Variants in TNFAIP1 observed in about 807,000 individuals in gnomAD.
TNFAIP1 encodes the protein BTB/POZ domain-containing adapter for CUL3-mediated RhoA degradation protein 2.
A neutral mutation model predicts 32.6 loss-of-function variants in TNFAIP1; 20 were observed. That is an observed-to-expected ratio of 0.61 (90% CI 0.43 to 0.89). The LOEUF (loss-of-function observed/expected upper bound fraction) is 0.89, where lower values mean the gene tolerates loss of function less well. Ranked by LOEUF, TNFAIP1 falls within the 40% of genes least tolerant of loss-of-function variation. The probability of loss-of-function intolerance (pLI) is 0.00; values close to 1 mark genes in which losing one functional copy is unlikely to be tolerated. For synonymous variants in TNFAIP1, 166 were observed against 166.8 expected, an observed-to-expected ratio of 1.00 and a Z score of 0.04; for missense variants, 319 against 425.1, an observed-to-expected ratio of 0.75 and a Z score of 2.20.
chr17:28,338,840 C>T (rs1384628838), intron 1 of TNFAIP1, among the ~76,000 whole-genome samples: 15 of 151,988 alleles, frequency 9.9e-5, no homozygotes, highest in African/African-American at 3.4e-4. Flanking sequence ...TTGTCTTCCT[C>T]GCTGCCCTGA....
In TNFAIP1 at chr17:28,345,724, G is replaced by A. The variant is rs549185809; in HGVS notation, c.*1124G>A. ...CCTGCCCACACCATCTATGCTCTTG[G>A]TTGGTGCTGGCTGGGATGGCGGTTC... On this transcript the variant is annotated 3_prime_UTR_variant, in exon 7 of 7. Transcript: ENST00000226225. 3 of 152,422 alleles carry A rather than the reference G, an allele frequency of 2.0e-5. No individual in the cohort carries two copies. The South Asian group carries it at 6.2e-4, about 32-fold the overall frequency. The allele number at this position is 152,422 out of a possible 1,614,324, so 9.4% of individuals were successfully genotyped here. A position where few individuals can be genotyped will look rare whatever the true frequency, so the allele number is the denominator to read the frequency against.
intron 1 of TNFAIP1, among the ~76,000 whole-genome samples, chr17:28,338,186 G>C (rs1555577646): frequency 6.6e-6 from 1 of 152,208 alleles, no homozygotes; most frequent in Admixed American, 6.5e-5. Flanking sequence ...TGCCAAGGCT[G>C]GTCTTGACTC....
At chr17:28,343,573 C>G (rs1190771370) in intron 6 of TNFAIP1, among the ~76,000 whole-genome samples, 5 of 152,042 alleles carry the variant, frequency 3.3e-5, no homozygotes, top group African/African-American at 1.2e-4. Flanking sequence ...GTTCCTGACC[C>G]TATCGGTGGT....
Position 28,342,642 on chromosome 17 carries a change from C to T in TNFAIP1, c.714+200C>T. 1 of 501,686 alleles carries T rather than the reference C, an allele frequency of 2.0e-6. No homozygotes were observed. Among genetic ancestry groups the T allele is most frequent in the Non-Finnish European group, 3.4e-6 (1 of 291,744 alleles). The allele number at this position is 501,686 out of a possible 1,614,324, so 31.1% of individuals were successfully genotyped here. A position where few individuals can be genotyped will look rare whatever the true frequency, so the allele number is the denominator to read the frequency against. Reference sequence around the variant, plus strand: ...GGGAACTGCTTTGTTCCTGACAGCGCAGGGCAGGGGCCGTTGACCACCAGG... The same window carrying T: ...GGGAACTGCTTTGTTCCTGACAGCGTAGGGCAGGGGCCGTTGACCACCAGG... On this transcript the variant is annotated intron_variant, in intron 6 of 6. Transcript: ENST00000226225. This position sits in a 1 kb window ranked among gnomAD's most constrained non-coding sequence, Gnocchi z 4.0.
Position 28,344,538 on chromosome 17 carries a change from G to C in TNFAIP1, c.889G>C (p.Val297Leu). 6.2e-7 allele frequency: 1 copy of C among 1,613,840 alleles called. No individual in the cohort carries two copies. The highest frequency in any genetic ancestry group is 8.5e-7 in the Non-Finnish European group (1 of 1,180,030). The change falls in exon 7 of 7, where the codon GTC (valine) becomes CTC (leucine). Residue 297 changes from valine to leucine, a missense_variant. Val to Leu is a conservative substitution (Grantham distance 32). Transcript: ENST00000226225. The stretch of plus-strand genomic sequence containing the variant: ...GCGGGACCGTGTCCGCCGCATCCAC[G>C]TCAAGCGCTACAGCACTTACGATGA... ...ELRDRVRRIHVKRYSTYDDRQ... is the reference protein window; with the variant it reads ...ELRDRVRRIHLKRYSTYDDRQ...
At position 28,344,733 on chromosome 17, in the gene TNFAIP1, A is replaced by C; in HGVS notation, c.*133A>C. 1.1e-6 allele frequency: 1 copy of C among 896,394 alleles called. No homozygotes were observed. Among genetic ancestry groups the C allele is most frequent in the Non-Finnish European group, 1.7e-6 (1 of 579,298 alleles). The allele number at this position is 896,394 out of a possible 1,614,324, so 55.5% of individuals were successfully genotyped here. On this transcript the variant is annotated 3_prime_UTR_variant, in exon 7 of 7. Transcript: ENST00000226225. ...CAGAGGCATGACAGGCCCTGCTCAG[A>C]GGTCAGAGGGTCTGGGCAGAGGAGG...
chr17:28,339,716 C>G lies in TNFAIP1; in HGVS notation c.195C>G (p.Thr65=), dbSNP rs562977246. 1.2e-6 allele frequency: 2 copies of G among 1,613,554 alleles called. No individual in the cohort carries two copies. Among genetic ancestry groups the G allele is most frequent in the South Asian group, 1.1e-5 (1 of 91,056 alleles). ...AMFSGRMEVL[T]DKEGWILIDR... ...TCAGTGGGCGCATGGAGGTGCTGAC[C>G]GACAAAGAAGGTGAGGCACTGGGGC... The change falls in exon 2 of 7, where the codon ACC becomes ACG. Residue 65 remains threonine, a synonymous_variant. Transcript: ENST00000226225.
chr17:28,344,387 C>A lies in TNFAIP1; in HGVS notation c.738C>A (p.Ile246=). ...QTKVEFPEAR[I]YEETLNVLLY... ...AGGTGGAATTCCCAGAGGCCCGAAT[C>A]TATGAGGAGACACTCAACGTCCTAC... The change falls in exon 7 of 7, where the codon ATC becomes ATA. Residue 246 remains isoleucine (I), a synonymous_variant. Coordinates refer to ENST00000226225, the MANE Select transcript of TNFAIP1 (RefSeq NM_021137.5). The A allele has an allele frequency of 6.2e-7, 1 of 1,613,812 alleles. No individual in the cohort carries two copies. The highest frequency in any genetic ancestry group is 8.5e-7 in the Non-Finnish European group (1 of 1,179,990).
chr17:28,340,103 A>C lies in TNFAIP1; in HGVS notation c.206-206A>C, dbSNP rs1907310892. On this transcript the variant is annotated intron_variant, in intron 2 of 6. Coordinates refer to ENST00000226225, the MANE Select transcript of TNFAIP1 (RefSeq NM_021137.5). The surrounding 1 kb of genome is among the most constrained non-coding windows in gnomAD (Gnocchi z 4.1). Reference sequence around the variant, plus strand: ...GGCTGTATCCCCCGTGGGATGTGCCAGTTCTGGGTTTCAGAGAGGAAGGGT... The same window carrying C: ...GGCTGTATCCCCCGTGGGATGTGCCCGTTCTGGGTTTCAGAGAGGAAGGGT... Among the ~76,000 whole-genome samples the C allele has an allele frequency of 6.6e-6, 1 of 152,060 alleles. No individual in the cohort carries two copies. The highest frequency in any genetic ancestry group is 2.1e-4 in the South Asian group (1 of 4,826).
Position 28,342,334 on chromosome 17 carries a change from T to G in TNFAIP1, c.606T>G (p.Asp202Glu). 6.2e-7 allele frequency: 1 copy of G among 1,607,688 alleles called. No homozygotes were observed. Among genetic ancestry groups the G allele is most frequent in the Non-Finnish European group, 8.5e-7 (1 of 1,174,530 alleles). ...ACGGCCGCGTGCTCTTCATCAAGGA[T>G]GTCATTGGTGACGAGATCTGCTGCT... Reference protein sequence around the residue: ...RFNGRVLFIKDVIGDEICCWS... With the variant: ...RFNGRVLFIKEVIGDEICCWS... The change falls in exon 6 of 7, where the codon GAT becomes GAG. Residue 202 changes from aspartate (D) to glutamate (E), a missense_variant. Physicochemically the swap from Asp to Glu is conservative, Grantham distance 45. Coordinates refer to ENST00000226225, the MANE Select transcript of TNFAIP1 (RefSeq NM_021137.5). This position sits in a 1 kb window ranked among gnomAD's most constrained non-coding sequence, Gnocchi z 4.0.
chr17:28,343,934 T>C (rs888926497), intron 6 of TNFAIP1, among the ~76,000 whole-genome samples: 3 of 152,174 alleles, frequency 2.0e-5, no homozygotes, highest in Non-Finnish European at 4.4e-5. Flanking sequence ...TGGTTTGCTG[T>C]GTGCCAATCT....
rs1225198567 is a variant in TNFAIP1 at position 28,342,835 on chromosome 17, CGA to C, written c.714+396_714+397del. Among the ~76,000 whole-genome samples the C allele has an allele frequency of 6.6e-6, 1 of 152,134 alleles. No individual in the cohort carries two copies. The highest frequency in any genetic ancestry group is 2.4e-5 in the African/African-American group (1 of 41,414). On this transcript the variant is annotated intron_variant, in intron 6 of 6. Coordinates refer to ENST00000226225, the MANE Select transcript of TNFAIP1 (RefSeq NM_021137.5). This position sits in a 1 kb window ranked among gnomAD's most constrained non-coding sequence, Gnocchi z 4.0. ...CATGGGGATGATAGTATGAATTTAA[CGA>C]GATATGAAAATGATACAACTCTTTG...
Position 28,344,550 on chromosome 17 carries a change from A to G in TNFAIP1, c.901A>G (p.Ser301Gly), listed in dbSNP as rs782548010. The change falls in exon 7 of 7, where the codon AGC (serine) becomes GGC (glycine). Residue 301 changes from serine to glycine, a missense_variant. By Grantham distance (56) the Ser-to-Gly change is moderately conservative. Coordinates refer to ENST00000226225, the MANE Select transcript of TNFAIP1 (RefSeq NM_021137.5). Reference protein sequence around the residue: ...RVRRIHVKRYSTYDDRQLGHQ... With the variant: ...RVRRIHVKRYGTYDDRQLGHQ... ...CCGCCGCATCCACGTCAAGCGCTAC[A>G]GCACTTACGATGACCGGCAGCTCGG... 1.2e-6 allele frequency: 2 copies of G among 1,613,788 alleles called. No individual in the cohort carries two copies. Among genetic ancestry groups the G allele is most frequent in the Non-Finnish European group, 1.7e-6 (2 of 1,180,014 alleles).
chr17:28,344,310 T>G, intron 6 of TNFAIP1, 54 bp from the exon 7 acceptor site: 1 of 1,521,030 alleles, frequency 6.6e-7, no homozygotes. Context: ...CTCTGACGCA[T>G]GGCTTCCTCT....
intron 1 of TNFAIP1, among the ~76,000 whole-genome samples, chr17:28,336,112 G>A (rs923110792): frequency 3.3e-5 from 5 of 152,130 alleles, no homozygotes; most frequent in Non-Finnish European, 7.4e-5. Context: ...TACACCTAGG[G>A]TTTCTGCTAG....
chr17:28,337,423 G>A (rs1263687463), intron 1 of TNFAIP1, among the ~76,000 whole-genome samples: 3 of 152,078 alleles, frequency 2.0e-5, no homozygotes, highest in African/African-American at 7.2e-5. Flanking sequence ...TGTCATTGTT[G>A]AGATGAGATT....
chr17:28,343,327 T>G (rs1907431294), intron 6 of TNFAIP1, among the ~76,000 whole-genome samples: 1 of 151,896 alleles, frequency 6.6e-6, no homozygotes, highest in African/African-American at 2.4e-5. Flanking sequence ...CTGCCTCCTG[T>G]GAGTGCAGGT....
rs1214801301 is a variant in TNFAIP1 at position 28,346,880 on chromosome 17, C to T, written c.*2280C>T. On this transcript the variant is annotated 3_prime_UTR_variant, in exon 7 of 7. Transcript: ENST00000226225. ...ATTGAATTTGGTATGTGACCAAGGT[C>T]GGCCTAAAGGATGGCGCAGGTCCTG... The T allele has an allele frequency of 2.6e-5, 4 of 152,194 alleles. No homozygotes were observed. The highest frequency in any genetic ancestry group is 1.3e-4 in the Admixed American group (2 of 15,270). 9.4% of individuals were successfully genotyped at this position (152,194 alleles called of 1,614,324 possible). A position where few individuals can be genotyped will look rare whatever the true frequency, so the allele number is the denominator to read the frequency against.
chr17:28,339,454 C>T lies in TNFAIP1; in HGVS notation c.-68C>T. 1 of 1,469,746 alleles carries T rather than the reference C, an allele frequency of 6.8e-7. No individual in the cohort carries two copies. Among genetic ancestry groups the T allele is most frequent in the Non-Finnish European group, 9.1e-7 (1 of 1,102,102 alleles). 91.0% of individuals were successfully genotyped at this position (1,469,746 alleles called of 1,614,324 possible). A position where few individuals can be genotyped will look rare whatever the true frequency, so the allele number is the denominator to read the frequency against. ...GCCTCCACTGGCCACTCACTCGTGACCCTTTCCACCACGGCGGAGCCTTCC... is the reference window on the plus strand; with the variant it reads ...GCCTCCACTGGCCACTCACTCGTGATCCTTTCCACCACGGCGGAGCCTTCC... On this transcript the variant is annotated 5_prime_UTR_variant, in exon 2 of 7. Coordinates refer to ENST00000226225, the MANE Select transcript of TNFAIP1 (RefSeq NM_021137.5).
Sources: gnomAD v4.1 joint callset for allele counts (sites outside exome capture counted in the v4.1 genomes callset) on GRCh38, gnomAD v4.1.1 for gene constraint, Gnocchi (gnomAD v3.1) non-coding constraint, MANE v1.5 for transcripts, NCBI Gene and HGNC (gene_info 2026-07-23, HGNC 2026-07-21) for gene names.